Variants in LYST observed in about 807,000 individuals in gnomAD.
The protein encoded by LYST is lysosomal trafficking regulator.
LYST carries 192 observed loss-of-function variants against 413.6 expected under a neutral mutation model. The observed-to-expected ratio is 0.46, with a 90% CI of 0.41 to 0.52. The LOEUF is 0.52. Among genes scored for constraint, LYST ranks in the 20% least tolerant of loss-of-function variants. The probability of loss-of-function intolerance (pLI) is 0.00; values close to 1 mark genes in which losing one functional copy is unlikely to be tolerated. For synonymous variants in LYST, 1,525 were observed against 1,567.3 expected (o/e 0.97, Z 0.64); for missense variants, 3,815 against 4,499.9 (o/e 0.85, Z 4.35).
Position 235,762,788 on chromosome 1 carries a change from C to T in LYST, c.6185G>A (p.Gly2062Glu), listed in dbSNP as rs756651685. Residue 2062 changes from glycine to glutamate, a missense_variant, in exon 22 of 53, where the codon GGA becomes GAA. Physicochemically the swap from Gly to Glu is moderately conservative, Grantham distance 98 (BLOSUM62 -2). This residue lies in a region of LYST where 530 missense variants were observed against 696.5 expected (regional missense o/e 0.76). Coordinates refer to ENST00000389793, the MANE Select transcript of LYST (RefSeq NM_000081.4). ...IMYLRHSSSG[G>E]RSLMSPGFMV... ...AAATCCAGGGCTCATAAGGGACCTTCCTCCACTGCTGGAATGCCTCAGGTA... is the reference window on the plus strand; with the variant it reads ...AAATCCAGGGCTCATAAGGGACCTTTCTCCACTGCTGGAATGCCTCAGGTA... 3.9e-5 allele frequency: 63 copies of T among 1,612,812 alleles called. No homozygotes were observed. Among genetic ancestry groups the T allele is most frequent in the Non-Finnish European group, 5.1e-5 (60 of 1,179,048 alleles).
chr1:235,755,358 C>T, intron 25 of LYST, 120 bp downstream of exon 25: 3 of 960,452 alleles, frequency 3.1e-6, no homozygotes, highest in South Asian at 1.4e-5. Context: ...CATTGCACTC[C>T]AGCCTGGGCA....
intron 1 of LYST, among the ~76,000 whole-genome samples, chr1:235,864,616 G>A (rs891494269): frequency 1.4e-4 from 22 of 152,126 alleles, no homozygotes; most frequent in African/African-American, 5.3e-4. Context: ...TCCATCCAGC[G>A]CCCAGAATGA....
At chr1:235,744,299 T>C in intron 29 of LYST, 142 bp from the exon 30 acceptor site, 1 of 616,174 alleles carries the variant, frequency 1.6e-6, no homozygotes, top group Non-Finnish European at 2.9e-6. Context: ...GTGTATTAGA[T>C]GTAATAGATA....
At chr1:235,729,784 A>G in intron 36 of LYST, 127 bp from the exon 37 acceptor site, 1 of 697,548 alleles carries the variant, frequency 1.4e-6, no homozygotes, top group Non-Finnish European at 2.6e-6. Flanking sequence ...AGCATGAGGT[A>G]TCTTGTCGAA....
intron 39 of LYST, among the ~76,000 whole-genome samples, chr1:235,723,195 T>TG (rs1558152811): frequency 6.6e-6 from 1 of 152,162 alleles, no homozygotes; most frequent in Admixed American, 6.5e-5. Context: ...AAGGAAATTA[T>TG]GGGGGGAAGA....
intron 14 of LYST, among the ~76,000 whole-genome samples, chr1:235,784,513 G>T (rs1328445821): frequency 6.6e-6 from 1 of 152,190 alleles, no homozygotes; most frequent in Non-Finnish European, 1.5e-5. Context: ...AAAGCATAGG[G>T]TTTTAAAGCA....
chr1:235,743,807 T>C (rs1665650491), intron 30 of LYST, among the ~76,000 whole-genome samples, 172 bp downstream of exon 30: 1 of 152,178 alleles, frequency 6.6e-6, no homozygotes, highest in Non-Finnish European at 1.5e-5. Flanking sequence ...TTTGGAAAGG[T>C]GAATTAGCAA....
intron 1 of LYST, among the ~76,000 whole-genome samples, chr1:235,866,531 A>G (rs545394405): frequency 4.6e-5 from 7 of 152,294 alleles, no homozygotes; most frequent in African/African-American, 1.7e-4. Context: ...CGCGCTGCGA[A>G]ATAAAGTTAG....
chr1:235,697,283 GAAA>G lies in LYST; in HGVS notation c.10375-14_10375-12del, dbSNP rs1286835205. 2 of 1,605,766 alleles carry G rather than the reference GAAA, an allele frequency of 1.2e-6. No homozygotes were observed. On this transcript the variant is annotated splice_polypyrimidine_tract_variant and intron_variant, in intron 45 of 52. Coordinates refer to ENST00000389793, the MANE Select transcript of LYST (RefSeq NM_000081.4). ...CCATGACAAAGGACTCTAAAATGAA[GAAA>G]AATAAAAAGTATGGCTTTTTAAAAG...
rs1179272718 is a variant in LYST at position 235,792,109 on chromosome 1, C to A, written c.4133G>T (p.Gly1378Val). 3 of 1,608,262 alleles carry A rather than the reference C, an allele frequency of 1.9e-6. No homozygotes were observed. The highest frequency in any genetic ancestry group is 1.7e-6 in the Non-Finnish European group (2 of 1,175,296). ...ATCACTTTCAATAATTTTCAGAATA[C>A]CCAGAAGAAGAATTTTCTAGAGAAA... ...KSPCTKILLL[G>V]ILKIIESDTT... The change falls in exon 12 of 53, where the codon GGT becomes GTT. Residue 1378 changes from glycine (G) to valine (V), a missense_variant. Gly to Val is a moderately radical substitution (Grantham distance 109). Transcript: ENST00000389793.
intron 44 of LYST, 113 bp from the exon 45 acceptor site, chr1:235,703,090 T>C: frequency 1.2e-6 from 1 of 815,674 alleles, no homozygotes; most frequent in Non-Finnish European, 2.1e-6. Flanking sequence ...ATGGAAAAAA[T>C]GCTTTTGTTC....
intron 14 of LYST, among the ~76,000 whole-genome samples, chr1:235,782,490 G>C (rs558303110): frequency 2.7e-4 from 41 of 152,138 alleles, no homozygotes; most frequent in African/African-American, 9.4e-4. Flanking sequence ...GGGAATTCTT[G>C]AACAATTTTC....
chr1:235,712,561 T>C, intron 42 of LYST: 3 of 964,120 alleles, frequency 3.1e-6, no homozygotes, highest in Non-Finnish European at 3.7e-6. Context: ...ATTTATTGAA[T>C]GAATGAATAA....
chr1:235,845,134 C>T (rs1677660477), intron 1 of LYST, among the ~76,000 whole-genome samples: 1 of 152,086 alleles, frequency 6.6e-6, no homozygotes, highest in Non-Finnish European at 1.5e-5. Context: ...TCCTGCAGGC[C>T]CCAGGAGACC....
At chr1:235,823,596 G>A (rs151018553) in intron 3 of LYST, among the ~76,000 whole-genome samples, 62 of 152,280 alleles carry the variant, frequency 4.1e-4, no homozygotes, top group Non-Finnish European at 7.4e-4. Flanking sequence ...TGCCCTTCAG[G>A]TCTCCCCATT....
intron 1 of LYST, among the ~76,000 whole-genome samples, chr1:235,857,972 TA>T (rs1453374000): frequency 6.6e-6 from 1 of 152,194 alleles, no homozygotes; most frequent in African/African-American, 2.4e-5. Context: ...GCTATATTTA[TA>T]GTTGTCACCT....
At chr1:235,836,617 G>A (rs891575189) in intron 1 of LYST, among the ~76,000 whole-genome samples, 5 of 152,152 alleles carry the variant, frequency 3.3e-5, no homozygotes, top group African/African-American at 1.2e-4. Flanking sequence ...AAGAAAAAGT[G>A]AGAAAAGTCA....
chr1:235,857,247 T>C (rs190386299), intron 1 of LYST, among the ~76,000 whole-genome samples: 1 of 152,266 alleles, frequency 6.6e-6, no homozygotes, highest in East Asian at 1.9e-4. Flanking sequence ...AGAGAAGCTA[T>C]CACCTTAGAA....
rs1442047631 is a variant in LYST at position 235,662,133 on chromosome 1, C to T, written c.*807G>A. On this transcript the variant is annotated 3_prime_UTR_variant, in exon 53 of 53. Transcript: ENST00000389793. ...ATTGCAAATTGGTACAGATTCAATG[C>T]TCTGTAAATAGCAGACTTTAAGACT... is the stretch of plus-strand genomic sequence containing the variant. The T allele has an allele frequency of 6.6e-6, 1 of 152,216 alleles. No homozygotes were observed. Among genetic ancestry groups the T allele is most frequent in the East Asian group, 1.9e-4 (1 of 5,204 alleles). 9.4% of individuals were successfully genotyped at this position (152,216 alleles called of 1,614,324 possible).
Sources: gnomAD v4.1 joint callset for allele counts (sites outside exome capture counted in the v4.1 genomes callset) on GRCh38, gnomAD v4.1.1 for gene constraint, gnomAD v4.1.1 regional missense constraint, MANE v1.5 for transcripts, NCBI Gene and HGNC (gene_info 2026-07-23, HGNC 2026-07-21) for gene names.